AGPAT4: variants seen among roughly 807,000 people sequenced by gnomAD.
AGPAT4 encodes 1-acyl-sn-glycerol-3-phosphate acyltransferase delta.
In AGPAT4, 15 loss-of-function variants were observed where a neutral mutation model predicts 48.0. That is an observed-to-expected ratio of 0.31 (90% confidence interval 0.21 to 0.48). The LOEUF (loss-of-function observed/expected upper bound fraction) is 0.48, where lower values mean the gene tolerates loss of function less well. AGPAT4 is among the 20% of genes least tolerant of loss of function. The pLI, the probability that AGPAT4 is intolerant of heterozygous loss-of-function variation, is 0.99. For synonymous variants in AGPAT4, 178 were observed against 198.7 expected (o/e 0.90, Z 0.88); for missense variants, 314 against 482.5 (o/e 0.65, Z 3.27).
At chr6:161,209,739 A>T (rs921757303) in intron 2 of AGPAT4, among the ~76,000 whole-genome samples, 1 of 152,198 alleles carries the variant, frequency 6.6e-6, no homozygotes, top group African/African-American at 2.4e-5. Context: ...CTTTCGGAAC[A>T]GTATGTACCT....
intron 2 of AGPAT4, among the ~76,000 whole-genome samples, chr6:161,207,521 T>C (rs1781407942): frequency 6.6e-6 from 1 of 152,210 alleles, no homozygotes; most frequent in South Asian, 2.1e-4. Context: ...AAAAAATATT[T>C]ATCAGTGCCT....
At position 161,267,604 on chromosome 6, in the gene AGPAT4, C is replaced by T. The variant is rs1783302888; in HGVS notation, c.-90+6334G>A. On this transcript the variant is annotated intron_variant, in intron 1 of 8. Transcript: ENST00000320285. This position sits in a 1 kb window ranked among gnomAD's most constrained non-coding sequence, Gnocchi z 5.2. ...AGGTGTGGTGGCGCACCCCTATAGT[C>T]CCAGCTACTCAGGAGGCTGAGGCAG... 6.6e-6 allele frequency among the ~76,000 whole-genome samples: 1 copy of T among 151,882 alleles called. No individual in the cohort carries two copies. The highest frequency in any genetic ancestry group is 2.4e-5 in the African/African-American group (1 of 41,312).
chr6:161,171,627 T>C lies in AGPAT4; in HGVS notation c.179-5210A>G, dbSNP rs1253861073. Among the ~76,000 whole-genome samples, 1 of 152,018 alleles carries C rather than the reference T, an allele frequency of 6.6e-6. No individual in the cohort carries two copies. The highest frequency in any genetic ancestry group is 1.5e-5 in the Non-Finnish European group (1 of 68,018). ...ATTTCCAGCCGCACATGGTGGCTCA[T>C]GCCTGTAATTCCAGCACTTTGGAAG... On this transcript the variant is annotated intron_variant, in intron 2 of 8. Coordinates refer to ENST00000320285, the MANE Select transcript of AGPAT4 (RefSeq NM_020133.3). The surrounding 1 kb of genome is among the most constrained non-coding windows in gnomAD (Gnocchi z 4.4).
rs1205162962 is a variant in AGPAT4 at position 161,233,077 on chromosome 6, CACACAGAG to C, written c.-89-783_-89-776del. ...CTACCCCCACCACACCCTGGTCACA[CACACAGAG>C]ACACATAGACACACACACAAACACC... On this transcript the variant is annotated intron_variant, in intron 1 of 8. Coordinates refer to ENST00000320285, the MANE Select transcript of AGPAT4 (RefSeq NM_020133.3). The surrounding 1 kb of genome is among the most constrained non-coding windows in gnomAD (Gnocchi z 5.4). Among the ~76,000 whole-genome samples the C allele has an allele frequency of 6.6e-6, 1 of 151,326 alleles. No individual in the cohort carries two copies.
chr6:161,186,770 C>T (rs1278873417), intron 2 of AGPAT4, among the ~76,000 whole-genome samples: 1 of 152,198 alleles, frequency 6.6e-6, no homozygotes, highest in African/African-American at 2.4e-5. Flanking sequence ...GCAACTGCAA[C>T]GCTGTTCCTG....
chr6:161,153,535 G>A (rs769102602), intron 4 of AGPAT4, 36 bp from the exon 5 acceptor site: 24 of 1,604,320 alleles, frequency 1.5e-5, no homozygotes, highest in East Asian at 7.1e-5. Context: ...ACGCAGCCTC[G>A]GGGTCACACA....
intron 1 of AGPAT4, among the ~76,000 whole-genome samples, chr6:161,248,083 C>T (rs1179694858): frequency 2.0e-5 from 3 of 151,730 alleles, no homozygotes; most frequent in Admixed American, 2.0e-4. Context: ...CAAACTATCC[C>T]TGTTTGTAGA....
chr6:161,164,732 G>A lies in AGPAT4; in HGVS notation c.348+1516C>T, dbSNP rs1021743394. ...GGTGAACAGCACACGGAGTGAGCTC[G>A]TGGGTGTAATGCCACCAAGGGGCAA... On this transcript the variant is annotated intron_variant, in intron 3 of 8. Transcript: ENST00000320285. This position sits in a 1 kb window ranked among gnomAD's most constrained non-coding sequence, Gnocchi z 7.4. Among the ~76,000 whole-genome samples the A allele has an allele frequency of 1.3e-5, 2 of 152,308 alleles. No individual in the cohort carries two copies. The highest frequency in any genetic ancestry group is 2.4e-5 in the African/African-American group (1 of 41,574).
In AGPAT4 at chr6:161,146,677, G is replaced by A. The variant is rs182686983; in HGVS notation, c.768-78C>T. ...TACAGTTTCCAGTAACGGTGCTGCC[G>A]TTTTTTGTTTTTATCTGGGTCACCT... On this transcript the variant is annotated intron_variant, in intron 6 of 8. Transcript: ENST00000320285. This position sits in a 1 kb window ranked among gnomAD's most constrained non-coding sequence, Gnocchi z 7.1. 1.2e-4 allele frequency: 162 copies of A among 1,397,134 alleles called. No homozygotes were observed. The East Asian group carries it at 2.3e-3, about 20-fold the overall frequency. 86.5% of individuals were successfully genotyped at this position (1,397,134 alleles called of 1,614,324 possible). A position where few individuals can be genotyped will look rare whatever the true frequency, so the allele number is the denominator to read the frequency against.
chr6:161,132,261 C>T lies in AGPAT4; in HGVS notation c.*4279G>A, dbSNP rs1180860270. On this transcript the variant is annotated 3_prime_UTR_variant, in exon 9 of 9. Transcript: ENST00000320285. ...TTCTGAAGATCTTTGTAGGGAAGCACCCTTCTGAGATGAAACCAATTTCTT... is the reference window on the plus strand; with the variant it reads ...TTCTGAAGATCTTTGTAGGGAAGCATCCTTCTGAGATGAAACCAATTTCTT... 1 of 152,166 alleles carries T rather than the reference C, an allele frequency of 6.6e-6. No homozygotes were observed. The highest frequency in any genetic ancestry group is 1.5e-5 in the Non-Finnish European group (1 of 68,030). 9.4% of individuals were successfully genotyped at this position (152,166 alleles called of 1,614,324 possible). A position where few individuals can be genotyped will look rare whatever the true frequency, so the allele number is the denominator to read the frequency against.
chr6:161,205,041 G>A (rs980604653), intron 2 of AGPAT4, among the ~76,000 whole-genome samples: 3 of 152,190 alleles, frequency 2.0e-5, no homozygotes, highest in African/African-American at 7.2e-5. Context: ...CTGGGCAAAG[G>A]AGTCTGAGTG....
intron 2 of AGPAT4, among the ~76,000 whole-genome samples, chr6:161,179,837 T>C (rs924945321): frequency 3.9e-5 from 6 of 152,252 alleles, no homozygotes; most frequent in African/African-American, 1.2e-4. Flanking sequence ...ATAACACATA[T>C]ACAAAATACA....
rs1293453845 is a variant in AGPAT4, at chr6:161,149,458, T to C, written c.665-169A>G. Reference sequence around the variant, plus strand: ...GTCCACATGTTCTACACTGAATGTGTATTATCTTTTGTAATCATAAAATCC... The same window carrying C: ...GTCCACATGTTCTACACTGAATGTGCATTATCTTTTGTAATCATAAAATCC... On this transcript the variant is annotated intron_variant, in intron 5 of 8. Transcript: ENST00000320285. This position sits in a 1 kb window ranked among gnomAD's most constrained non-coding sequence, Gnocchi z 6.5. Among the ~76,000 whole-genome samples, 1 of 152,230 alleles carries C rather than the reference T, an allele frequency of 6.6e-6. No homozygotes were observed. The highest frequency in any genetic ancestry group is 1.5e-5 in the Non-Finnish European group (1 of 68,040).
At position 161,166,487 on chromosome 6, in the gene AGPAT4, G is replaced by C. The variant is rs1780102217; in HGVS notation, c.179-70C>G. On this transcript the variant is annotated intron_variant, in intron 2 of 8. Transcript: ENST00000320285. The surrounding 1 kb of genome is among the most constrained non-coding windows in gnomAD (Gnocchi z 6.7). ...GTCCTGGGAGCCCTGCTGAGAGCAGGGCTCTGCCCTCCCAGCTAGGGGAGA... is the reference window on the plus strand; with the variant it reads ...GTCCTGGGAGCCCTGCTGAGAGCAGCGCTCTGCCCTCCCAGCTAGGGGAGA... 35 of 1,498,246 alleles carry C rather than the reference G, an allele frequency of 2.3e-5. 1 individual carries two copies. The South Asian group carries it at 4.7e-4, about 20-fold the overall frequency. 92.8% of individuals were successfully genotyped at this position (1,498,246 alleles called of 1,614,324 possible).
chr6:161,135,001 CAACA>C lies in AGPAT4; in HGVS notation c.*1535_*1538del, dbSNP rs10606184. On this transcript the variant is annotated 3_prime_UTR_variant, in exon 9 of 9. Transcript: ENST00000320285. ...GTGGATTCAAATAATTCATTTGTAT[CAACA>C]AACAAACAATGCATTATTGTCCTGT... 122,847 of 151,950 alleles carry C rather than the reference CAACA, an allele frequency of 0.81. 49,835 individuals carry two copies. Among genetic ancestry groups the C allele is most frequent in the Admixed American group, 0.87 (13,374 of 15,290 alleles). 9.4% of individuals were successfully genotyped at this position (151,950 alleles called of 1,614,324 possible).
rs1048899526 is a variant in AGPAT4 at position 161,134,075 on chromosome 6, C to T, written c.*2465G>A. ...GCAGGGTGTAAGGAAACCAGGTTCCCAGGCTGCATAACAAAATTGTTCTTC... is the reference window on the plus strand; with the variant it reads ...GCAGGGTGTAAGGAAACCAGGTTCCTAGGCTGCATAACAAAATTGTTCTTC... On this transcript the variant is annotated 3_prime_UTR_variant, in exon 9 of 9. Transcript: ENST00000320285. 6.6e-6 allele frequency: 1 copy of T among 152,186 alleles called. No homozygotes were observed. The highest frequency in any genetic ancestry group is 6.6e-5 in the Admixed American group (1 of 15,264). 9.4% of individuals were successfully genotyped at this position (152,186 alleles called of 1,614,324 possible). A position where few individuals can be genotyped will look rare whatever the true frequency, so the allele number is the denominator to read the frequency against.
intron 2 of AGPAT4, among the ~76,000 whole-genome samples, chr6:161,173,209 G>A (rs1780329025): frequency 6.6e-6 from 1 of 152,228 alleles, no homozygotes; most frequent in Admixed American, 6.5e-5. Context: ...GATCCTTGAG[G>A]AATCGCCACA....
In AGPAT4 at chr6:161,219,877, A is replaced by ATT. The variant is rs1562343689; in HGVS notation, c.178+12158_178+12159insAA. ...TAGATAGATAGATAGATAGATAGGC[A>ATT]GGCAGGCAGGCAGGCAGGCAGGCAG... On this transcript the variant is annotated intron_variant, in intron 2 of 8. Transcript: ENST00000320285. This position sits in a 1 kb window ranked among gnomAD's most constrained non-coding sequence, Gnocchi z 4.9. Among the ~76,000 whole-genome samples, 1 of 106,472 alleles carries ATT rather than the reference A, an allele frequency of 9.4e-6. No homozygotes were observed. Among genetic ancestry groups the ATT allele is most frequent in the Non-Finnish European group, 2.1e-5 (1 of 47,318 alleles). The allele number at this position is 106,472 out of a possible 152,430, so 69.8% of individuals were successfully genotyped here.
chr6:161,224,944 T>G (rs879277800), intron 2 of AGPAT4, among the ~76,000 whole-genome samples: 11 of 152,352 alleles, frequency 7.2e-5, no homozygotes, highest in Admixed American at 7.2e-4. Context: ...CTTCTACTTT[T>G]AATCTTAACT....
Sources: gnomAD v4.1 joint callset for allele counts (sites outside exome capture counted in the v4.1 genomes callset) on GRCh38, gnomAD v4.1.1 for gene constraint, Gnocchi (gnomAD v3.1) non-coding constraint, MANE v1.5 for transcripts, NCBI Gene and HGNC (gene_info 2026-07-23, HGNC 2026-07-21) for gene names.